Variants in TBC1D23 observed in about 807,000 individuals in gnomAD.
TBC1D23 encodes the protein TBC1 domain family member 23.
A neutral mutation model predicts 91.4 loss-of-function variants in TBC1D23; 55 were observed. That is an observed-to-expected ratio of 0.60 (90% confidence interval 0.48 to 0.75). The LOEUF is 0.75. Among genes scored for constraint, TBC1D23 ranks in the 30% least tolerant of loss-of-function variants. The probability of loss-of-function intolerance (pLI) is 0.00; values close to 1 mark genes in which losing one functional copy is unlikely to be tolerated. For synonymous variants in TBC1D23, 289 were observed against 281.0 expected (o/e 1.03, Z -0.28); for missense variants, 725 against 836.1 (o/e 0.87, Z 1.64).
intron 10 of TBC1D23, 181 bp from the exon 11 acceptor site, chr3:100,301,881 GTATTA>G: frequency 1.9e-6 from 1 of 527,992 alleles, no homozygotes; most frequent in Non-Finnish European, 3.3e-6. Flanking sequence ...TTGTTCTATT[GTATTA>G]TAGATACATT....
chr3:100,299,093 T>A (rs1705367450), intron 9 of TBC1D23, 146 bp from the exon 10 acceptor site: 1 of 454,324 alleles, frequency 2.2e-6, no homozygotes, highest in South Asian at 4.1e-5. Context: ...CGGGTTATTT[T>A]CTGTGCTAAC....
intron 16 of TBC1D23, among the ~76,000 whole-genome samples, chr3:100,316,879 G>C (rs1257107216): frequency 6.6e-6 from 1 of 152,006 alleles, no homozygotes; most frequent in Non-Finnish European, 1.5e-5. Context: ...ATCACTTGAG[G>C]TCAGGAGTTC....
At chr3:100,295,536 A>C (rs765462846) in intron 7 of TBC1D23, among the ~76,000 whole-genome samples, 188 bp downstream of exon 7, 7 of 152,138 alleles carry the variant, frequency 4.6e-5, no homozygotes, top group Non-Finnish European at 1.0e-4. Context: ...TGCCATCTTC[A>C]TTCATTCCTT....
intron 4 of TBC1D23, among the ~76,000 whole-genome samples, chr3:100,289,125 G>A (rs570214762): frequency 6.6e-6 from 1 of 151,928 alleles, no homozygotes; most frequent in African/African-American, 2.4e-5. Flanking sequence ...AGGTGGGAGG[G>A]TGGTTTGAGC....
At chr3:100,280,392 C>T (rs1333496199) in intron 2 of TBC1D23, among the ~76,000 whole-genome samples, 1 of 151,998 alleles carries the variant, frequency 6.6e-6, no homozygotes, top group Non-Finnish European at 1.5e-5. Context: ...GAGATTTTCC[C>T]TTTGTTTTCC....
chr3:100,319,778 C>T (rs980993764), intron 17 of TBC1D23, among the ~76,000 whole-genome samples: 2 of 151,874 alleles, frequency 1.3e-5, no homozygotes, highest in Non-Finnish European at 1.5e-5. Context: ...CACCCCATTT[C>T]GTATGTATAT....
chr3:100,299,172 A>G, intron 9 of TBC1D23, 67 bp from the exon 10 acceptor site: 14 of 1,005,634 alleles, frequency 1.4e-5, no homozygotes, highest in Non-Finnish European at 2.2e-5. Flanking sequence ...GTTAACTGTG[A>G]ATATTATGTT....
chr3:100,297,119 G>T (rs975661507), intron 8 of TBC1D23, among the ~76,000 whole-genome samples: 2 of 152,112 alleles, frequency 1.3e-5, no homozygotes, highest in African/African-American at 2.4e-5. Context: ...AGTGGAAGAG[G>T]CACAAGTTTA....
chr3:100,306,617 AC>A, intron 13 of TBC1D23, 74 bp downstream of exon 13: 2 of 804,456 alleles, frequency 2.5e-6, no homozygotes, highest in Non-Finnish European at 2.1e-6. Flanking sequence ...CTAAACCCCC[AC>A]CATAACAGAA....
chr3:100,319,132 G>A lies in TBC1D23; in HGVS notation c.1751G>A (p.Trp584Ter). The part of the protein sequence containing the change: ...DRKEVVNIQT[W>*]INKPDVKHHF... ...AAAGAGGTTGTAAACATTCAGACTT[G>A]GATAAACAAACCAGATGTCAAACAT... The change falls in exon 17 of 19, where the codon TGG becomes TAG. Residue 584 changes from tryptophan (W) to a stop codon, truncating the protein, a stop_gained. Transcript: ENST00000394144. LOFTEE classifies it high-confidence loss of function. 1 of 1,605,580 alleles carries A rather than the reference G, an allele frequency of 6.2e-7. No homozygotes were observed. The highest frequency in any genetic ancestry group is 8.5e-7 in the Non-Finnish European group (1 of 1,174,218).
intron 1 of TBC1D23, 62 bp downstream of exon 1, chr3:100,261,133 G>A (rs1394981875): frequency 6.0e-6 from 9 of 1,509,040 alleles, no homozygotes; most frequent in Non-Finnish European, 8.3e-6. Flanking sequence ...CCATCTTGCC[G>A]GTCCCCGAGG....
rs777054701 is a variant in TBC1D23, at chr3:100,319,145, A to G, written c.1764A>G (p.Pro588=). ...ACATTCAGACTTGGATAAACAAACC[A>G]GATGTCAAACATCATTTTCCTTGTA... ...VVNIQTWINK[P]DVKHHFPCKE... is the part of the protein sequence containing the mutation. Residue 588 remains proline (P), a synonymous_variant, in exon 17 of 19, where the codon CCA becomes CCG. Coordinates refer to ENST00000394144, the MANE Select transcript of TBC1D23 (RefSeq NM_001199198.3). 2 of 1,609,730 alleles carry G rather than the reference A, an allele frequency of 1.2e-6. No homozygotes were observed. Among genetic ancestry groups the G allele is most frequent in the East Asian group, 2.2e-5 (1 of 44,698 alleles).
Position 100,283,529 on chromosome 3 carries a change from A to G in TBC1D23, c.272-78A>G, listed in dbSNP as rs1038051260. On this transcript the variant is annotated intron_variant, in intron 3 of 18. Coordinates refer to ENST00000394144, the MANE Select transcript of TBC1D23 (RefSeq NM_001199198.3). ...TAAATGCACTAACATAGTATTATAT[A>G]TTTGTAAACAAGTGTTATGTCCAAT... 4.7e-6 allele frequency: 4 copies of G among 849,350 alleles called. No homozygotes were observed. The African/African-American group carries it at 5.1e-5, about 11-fold the overall frequency. 52.6% of individuals were successfully genotyped at this position (849,350 alleles called of 1,614,324 possible).
rs144800997 is a variant in TBC1D23 at position 100,295,727 on chromosome 3, C to T, written c.772+379C>T. ...TTTGGATTCTCCCCACCATATCCCC[C>T]ACATAGAGATAGTTACTTCCTCTCT... On this transcript the variant is annotated intron_variant, in intron 7 of 18. Transcript: ENST00000394144. Among the ~76,000 whole-genome samples the T allele has an allele frequency of 4.1e-3, 619 of 152,276 alleles. 2 individuals are homozygous for T. Among genetic ancestry groups the T allele is most frequent in the Non-Finnish European group, 5.6e-3 (379 of 68,008 alleles).
intron 4 of TBC1D23, among the ~76,000 whole-genome samples, chr3:100,285,078 G>A (rs2067728527): frequency 6.6e-6 from 1 of 152,182 alleles, no homozygotes; most frequent in Admixed American, 6.5e-5. Flanking sequence ...CTGGTTGCTT[G>A]TTAGAATCAA....
intron 1 of TBC1D23, among the ~76,000 whole-genome samples, chr3:100,273,220 C>T (rs541625000): frequency 1.3e-5 from 2 of 151,792 alleles, no homozygotes; most frequent in Admixed American, 6.6e-5. Context: ...TGACTGTTAA[C>T]GAGCATGCTG....
intron 12 of TBC1D23, among the ~76,000 whole-genome samples, chr3:100,305,536 T>A (rs183474664): frequency 6.6e-6 from 1 of 152,218 alleles, no homozygotes; most frequent in Non-Finnish European, 1.5e-5. Context: ...AAATTAATGA[T>A]CAAATCAAAT....
rs1464091589 is a variant in TBC1D23 at position 100,302,084 on chromosome 3, T to G, written c.1110T>G (p.Ser370=). 6.2e-7 allele frequency: 1 copy of G among 1,611,224 alleles called. No individual in the cohort carries two copies. Among genetic ancestry groups the G allele is most frequent in the East Asian group, 2.2e-5 (1 of 44,668 alleles). Residue 370 remains serine (S), a synonymous_variant, in exon 11 of 19, where the codon TCT becomes TCG. Coordinates refer to ENST00000394144, the MANE Select transcript of TBC1D23 (RefSeq NM_001199198.3). ...LDSDLMLQNP[S]EFAQSVKSLL... The stretch of plus-strand genomic sequence containing the variant: ...TTGTCTAGATGCTTCAGAATCCATC[T>G]GAGTTTGCACAGTCAGTAAAATCCT...
chr3:100,267,119 C>A, intron 1 of TBC1D23: 1 of 340,028 alleles, frequency 2.9e-6, no homozygotes, highest in Non-Finnish European at 5.8e-6. Flanking sequence ...GTGAAAATAG[C>A]TTCTGAAGAT....
Sources: gnomAD v4.1 joint callset for allele counts (sites outside exome capture counted in the v4.1 genomes callset) on GRCh38, gnomAD v4.1.1 for gene constraint, MANE v1.5 for transcripts, NCBI Gene and HGNC (gene_info 2026-07-23, HGNC 2026-07-21) for gene names.